Variants in NNT observed in about 807,000 individuals in gnomAD.
NNT encodes NAD(P) transhydrogenase, mitochondrial.
A neutral mutation model predicts 104.8 loss-of-function variants in NNT; 50 were observed. That is an observed-to-expected ratio of 0.48 (90% CI 0.38 to 0.60). The LOEUF is 0.60. NNT is among the 20% of genes least tolerant of loss of function. The pLI, the probability that NNT is intolerant of heterozygous loss-of-function variation, is 0.00. For missense variants in NNT, 1,131 were observed against 1,330.7 expected (o/e 0.85, Z 2.33); for synonymous variants, 461 against 490.4 (o/e 0.94, Z 0.79).
At chr5:43,646,466 T>A (rs906463664) in intron 10 of NNT, among the ~76,000 whole-genome samples, 1 of 144,538 alleles carries the variant, frequency 6.9e-6, no homozygotes, top group African/African-American at 2.6e-5. Flanking sequence ...ATTTTTGTAT[T>A]TTTTTTTTTT....
intron 19 of NNT, among the ~76,000 whole-genome samples, chr5:43,699,353 C>CT (rs11397352): frequency 0.69 from 83,785 of 122,268 alleles, 29,821 homozygotes; most frequent in African/African-American, 0.73. Context: ...ATCTCCCTAC[C>CT]TTTTTTTTTT....
chr5:43,632,340 T>G (rs1750715239), intron 7 of NNT, among the ~76,000 whole-genome samples: 1 of 152,196 alleles, frequency 6.6e-6, no homozygotes, highest in Non-Finnish European at 1.5e-5. Flanking sequence ...CCTGGAAGGC[T>G]GGACTGAAGG....
chr5:43,670,067 A>G (rs1364227452), intron 17 of NNT, among the ~76,000 whole-genome samples: 2 of 152,164 alleles, frequency 1.3e-5, no homozygotes, highest in African/African-American at 2.4e-5. Context: ...GCTTATTTGC[A>G]TAGAGGTGTT....
rs1739796948 is a variant in NNT at position 43,652,056 on chromosome 5, G to A, written c.1863+172G>A. Reference sequence around the variant, plus strand: ...AAACTGAGCATTCTCTTCCCCTAAGGATCAGGACCCTGGATTCTAGAGACA... The same window carrying A: ...AAACTGAGCATTCTCTTCCCCTAAGAATCAGGACCCTGGATTCTAGAGACA... On this transcript the variant is annotated intron_variant, in intron 13 of 21. Transcript: ENST00000344920. 2.0e-5 allele frequency among the ~76,000 whole-genome samples: 3 copies of A among 152,256 alleles called. No individual in the cohort carries two copies. In the South Asian group the frequency reaches 6.2e-4, roughly 32 times the overall value.
At chr5:43,677,889 A>G (rs1367678964) in intron 19 of NNT, 83 bp downstream of exon 19, 2 of 1,134,196 alleles carry the variant, frequency 1.8e-6, no homozygotes, top group African/African-American at 3.1e-5. Flanking sequence ...CCCTTGAACA[A>G]TGTAGGGGTT....
intron 7 of NNT, among the ~76,000 whole-genome samples, chr5:43,643,292 T>C (rs1210877899): frequency 1.3e-5 from 2 of 152,254 alleles, no homozygotes; most frequent in Admixed American, 6.5e-5. Context: ...TCCATTGTTT[T>C]ATGAAATGTG....
At chr5:43,604,854 T>C (rs934031480) in intron 1 of NNT, among the ~76,000 whole-genome samples, 3 of 151,998 alleles carry the variant, frequency 2.0e-5, no homozygotes, top group African/African-American at 7.3e-5. Context: ...TTTTTTTTTT[T>C]AGCAATGGGG....
intron 6 of NNT, among the ~76,000 whole-genome samples, chr5:43,627,230 C>T (rs1411797170): frequency 6.6e-6 from 1 of 152,212 alleles, no homozygotes; most frequent in East Asian, 1.9e-4. Flanking sequence ...CTCAAGCCAG[C>T]AGAGGGAGAA....
chr5:43,677,785 C>T lies in NNT; in HGVS notation c.2855C>T (p.Thr952Ile). The T allele has an allele frequency of 1.2e-6, 2 of 1,613,638 alleles. No homozygotes were observed. Among genetic ancestry groups the T allele is most frequent in the Non-Finnish European group, 1.7e-6 (2 of 1,179,618 alleles). The change falls in exon 19 of 22, where the codon ACT becomes ATT. Residue 952 changes from threonine to isoleucine, a missense_variant. Transcript: ENST00000344920. ...YPIADLVKML[T>I]EQGKKVRFGI... is the part of the protein sequence containing the mutation. ...ATTGCTGATTTGGTAAAGATGCTCA[C>T]TGAGCAAGGCAAAAAAGTCAGGTAA...
At chr5:43,663,535 T>C (rs180769740) in intron 17 of NNT, among the ~76,000 whole-genome samples, 1 of 152,372 alleles carries the variant, frequency 6.6e-6, no homozygotes, top group East Asian at 1.9e-4. Context: ...TACATTAACC[T>C]TCGTTGATAA....
intron 7 of NNT, among the ~76,000 whole-genome samples, chr5:43,629,070 T>C (rs1381657142): frequency 6.6e-6 from 1 of 152,138 alleles, no homozygotes; most frequent in African/African-American, 2.4e-5. Flanking sequence ...AAAAGTTCTT[T>C]AGTGGTGATT....
At chr5:43,662,575 AAGAAC>A (rs1740426902) in intron 17 of NNT, among the ~76,000 whole-genome samples, 1 of 152,120 alleles carries the variant, frequency 6.6e-6, no homozygotes. Context: ...ATTCGGATTC[AAGAAC>A]AGTTTAAGTT....
At chr5:43,683,368 A>G (rs912161916) in intron 19 of NNT, among the ~76,000 whole-genome samples, 6 of 152,210 alleles carry the variant, frequency 3.9e-5, no homozygotes, top group African/African-American at 1.4e-4. Context: ...GCATATTGGT[A>G]TGGTGGAAAG....
chr5:43,645,185 G>A (rs1357028315), intron 9 of NNT, among the ~76,000 whole-genome samples, 172 bp from the exon 10 acceptor site: 2 of 151,886 alleles, frequency 1.3e-5, no homozygotes, highest in Non-Finnish European at 2.9e-5. Context: ...ATTAGTATTT[G>A]TATATGTATG....
chr5:43,620,968 G>T (rs182334328), intron 5 of NNT, among the ~76,000 whole-genome samples: 1 of 152,336 alleles, frequency 6.6e-6, no homozygotes, highest in East Asian at 1.9e-4. Flanking sequence ...GCCTTTAAAA[G>T]GTGGAAAAGT....
Position 43,613,417 on chromosome 5 carries a change from T to G in NNT, c.381+280T>G, listed in dbSNP as rs140912807. The G allele has an allele frequency of 7.5e-3, 2,624 of 348,880 alleles. 12 individuals carry two copies. The highest frequency in any genetic ancestry group is 9.8e-3 in the Non-Finnish European group (1,853 of 188,412). 21.6% of individuals were successfully genotyped at this position (348,880 alleles called of 1,614,324 possible). A position where few individuals can be genotyped will look rare whatever the true frequency, so the allele number is the denominator to read the frequency against. ...TTTTAATTGGCTAGGAAAAATTTGT[T>G]CTACATGGTCCATATATATCCAGAG... On this transcript the variant is annotated intron_variant, in intron 3 of 21. Transcript: ENST00000344920.
chr5:43,665,385 T>A (rs1462396928), intron 17 of NNT, among the ~76,000 whole-genome samples: 3 of 152,170 alleles, frequency 2.0e-5, no homozygotes, highest in Non-Finnish European at 4.4e-5. Flanking sequence ...CCTGCCGCCT[T>A]CCACAGTGTT....
At chr5:43,688,586 A>G (rs569134380) in intron 19 of NNT, among the ~76,000 whole-genome samples, 1 of 151,950 alleles carries the variant, frequency 6.6e-6, no homozygotes, top group East Asian at 1.9e-4. Context: ...CTGAGTCCCT[A>G]AAGTTCAATG....
intron 17 of NNT, among the ~76,000 whole-genome samples, chr5:43,662,339 G>A (rs565183711): frequency 8.5e-5 from 13 of 152,084 alleles, no homozygotes; most frequent in African/African-American, 2.9e-4. Flanking sequence ...TCTCTTCTAC[G>A]TGTTCTGCAA....
Sources: allele counts gnomAD v4.1 joint callset (sites outside exome capture counted in the v4.1 genomes callset), GRCh38; gene constraint gnomAD v4.1.1; transcripts MANE v1.5; gene names NCBI Gene and HGNC (gene_info 2026-07-23, HGNC 2026-07-21).